Variants in EML4 observed in about 807,000 individuals in gnomAD.
The protein encoded by EML4 is echinoderm microtubule-associated protein-like 4.
A neutral mutation model predicts 129.0 loss-of-function variants in EML4; 72 were observed. The ratio of observed to expected loss-of-function variants is 0.56; its 90% CI spans 0.46 to 0.68. The LOEUF is 0.68. EML4 is among the 30% of genes least tolerant of loss of function. The pLI, the probability that EML4 is intolerant of heterozygous loss-of-function variation, is 0.00. For missense variants in EML4, 1,363 were observed against 1,190.6 expected (o/e 1.14, Z -2.13); for synonymous variants, 532 against 405.0 (o/e 1.31, Z -3.77).
rs148477218 is a variant in EML4, at chr2:42,286,350, G to C, written c.1093G>C (p.Gly365Arg). Reference protein sequence around the residue: ...QIIGLGTFERGVGCLDFSKAD... With the variant: ...QIIGLGTFERRVGCLDFSKAD... ...TATTGGACTTGGCACTTTTGAGCGT[G>C]GAGTAGGATGCCTGGATTTTTCAAA... The change falls in exon 10 of 23, where the codon GGA becomes CGA. Residue 365 changes from glycine to arginine, a missense_variant. Coordinates refer to ENST00000318522, the MANE Select transcript of EML4 (RefSeq NM_019063.5). The C allele has an allele frequency of 8.1e-6, 13 of 1,612,378 alleles. No individual in the cohort carries two copies. In the African/African-American group the frequency reaches 1.7e-4, roughly 22 times the overall value.
intron 14 of EML4, 144 bp from the exon 15 acceptor site, chr2:42,302,960 T>A: frequency 1.5e-6 from 1 of 648,170 alleles, no homozygotes; most frequent in Non-Finnish European, 2.7e-6. Context: ...GACAAATAAA[T>A]TAGTAGTAGT....
intron 1 of EML4, among the ~76,000 whole-genome samples, chr2:42,230,290 T>C (rs1674249235): frequency 6.6e-6 from 1 of 152,232 alleles, no homozygotes; most frequent in Non-Finnish European, 1.5e-5. Context: ...ACAATCTAGT[T>C]AGGAATTTTA....
At chr2:42,314,742 T>G (rs990317917) in intron 17 of EML4, among the ~76,000 whole-genome samples, 2 of 152,224 alleles carry the variant, frequency 1.3e-5, no homozygotes, top group African/African-American at 4.8e-5. Context: ...CAACCAGCTG[T>G]GCATGCTGCC....
chr2:42,239,081 G>A (rs139447205), intron 1 of EML4, among the ~76,000 whole-genome samples: 5 of 152,314 alleles, frequency 3.3e-5, no homozygotes, highest in African/African-American at 1.2e-4. Flanking sequence ...TTAATTAGAA[G>A]TATAATAGCC....
At position 42,251,976 on chromosome 2, in the gene EML4, C is replaced by G. The variant is rs571633673; in HGVS notation, c.209-4525C>G. 3.3e-4 allele frequency among the ~76,000 whole-genome samples: 50 copies of G among 152,228 alleles called. 1 individual carries two copies. The highest frequency in any genetic ancestry group is 1.1e-3 in the African/African-American group (47 of 41,544). On this transcript the variant is annotated intron_variant, in intron 2 of 22. Transcript: ENST00000318522. ...CTAGCTGAGAAACAATTTCAATTTA[C>G]AAATCAATAAATTGTTTGTAAATTG... is the stretch of plus-strand genomic sequence containing the variant.
In EML4 at chr2:42,331,895, G is replaced by A. The variant is rs759286775; in HGVS notation, c.*1688G>A. On this transcript the variant is annotated 3_prime_UTR_variant, in exon 23 of 23. Transcript: ENST00000318522. ...AAATACTCAGTGTAGATCTCTATGT[G>A]TATAGGTATCTGTATATCTTTCCTT... 6.0e-5 allele frequency: 8 copies of A among 134,308 alleles called. No homozygotes were observed. The highest frequency in any genetic ancestry group is 3.7e-4 in the Admixed American group (3 of 8,112). The allele number at this position is 134,308 out of a possible 1,614,324, so 8.3% of individuals were successfully genotyped here.
chr2:42,331,793 A>G lies in EML4; in HGVS notation c.*1586A>G, dbSNP rs1243929846. The G allele has an allele frequency of 4.5e-6, 1 of 222,042 alleles. No individual in the cohort carries two copies. Among genetic ancestry groups the G allele is most frequent in the Non-Finnish European group, 9.0e-6 (1 of 110,788 alleles). 13.8% of individuals were successfully genotyped at this position (222,042 alleles called of 1,614,324 possible). A position where few individuals can be genotyped will look rare whatever the true frequency, so the allele number is the denominator to read the frequency against. On this transcript the variant is annotated 3_prime_UTR_variant, in exon 23 of 23. Coordinates refer to ENST00000318522, the MANE Select transcript of EML4 (RefSeq NM_019063.5). ...ACATTTATATTCACACGCTGTATGG[A>G]AGGGTGTGGGTGTGTGTGAAGGGGC...
chr2:42,244,075 T>G (rs1334721855), intron 1 of EML4, among the ~76,000 whole-genome samples: 10 of 70,648 alleles, frequency 1.4e-4, no homozygotes, highest in African/African-American at 3.9e-4. Context: ...GTTTTTTTTG[T>G]TTTTTGTTTT....
chr2:42,246,620 A>G (rs551550616), intron 2 of EML4, among the ~76,000 whole-genome samples: 2 of 152,344 alleles, frequency 1.3e-5, no homozygotes, highest in South Asian at 2.1e-4. Context: ...GTAGAGATAC[A>G]TATTGGTAGC....
intron 2 of EML4, among the ~76,000 whole-genome samples, chr2:42,247,427 G>A (rs1318648831): frequency 6.6e-6 from 1 of 152,150 alleles, no homozygotes. Context: ...GTGGAGGAAA[G>A]GTGAGTATCA....
chr2:42,275,580 C>A (rs1371371002), intron 6 of EML4, among the ~76,000 whole-genome samples: 1 of 152,188 alleles, frequency 6.6e-6, no homozygotes, highest in Non-Finnish European at 1.5e-5. Context: ...CAATATCCTA[C>A]AGAATTTCTT....
Position 42,328,869 on chromosome 2 carries a change from G to A in EML4, c.2342-17G>A. ...CTTCAGCTAATTTTTCTGCATCCCT[G>A]TGTTTCCATATCAAAGGTGTCTGGC... On this transcript the variant is annotated splice_polypyrimidine_tract_variant and intron_variant, in intron 21 of 22. Coordinates refer to ENST00000318522, the MANE Select transcript of EML4 (RefSeq NM_019063.5). 1 of 1,576,650 alleles carries A rather than the reference G, an allele frequency of 6.3e-7. No homozygotes were observed. Among genetic ancestry groups the A allele is most frequent in the Non-Finnish European group, 8.6e-7 (1 of 1,159,170 alleles).
intron 6 of EML4, among the ~76,000 whole-genome samples, chr2:42,274,055 A>G (rs181570937): frequency 6.6e-6 from 1 of 152,346 alleles, no homozygotes; most frequent in Admixed American, 6.5e-5. Context: ...AAATTACAGT[A>G]AATATTTCTA....
chr2:42,255,709 A>G (rs1676097834), intron 2 of EML4, among the ~76,000 whole-genome samples: 1 of 152,150 alleles, frequency 6.6e-6, no homozygotes, highest in Non-Finnish European at 1.5e-5. Flanking sequence ...CCTGTCTTCT[A>G]ATTCATTCAA....
intron 1 of EML4, among the ~76,000 whole-genome samples, chr2:42,241,154 GA>G (rs376677720): frequency 3.1e-3 from 432 of 137,182 alleles, no homozygotes; most frequent in African/African-American, 0.01. Flanking sequence ...GAGTCTCAAA[GA>G]AAAAAAAAAA....
chr2:42,178,903 G>C (rs1670772988), intron 1 of EML4, among the ~76,000 whole-genome samples: 1 of 152,132 alleles, frequency 6.6e-6, no homozygotes, highest in African/African-American at 2.4e-5. Flanking sequence ...TGATTGTTTT[G>C]CATCCATTAT....
chr2:42,272,636 C>G (rs1186864211), intron 6 of EML4, among the ~76,000 whole-genome samples: 1 of 152,092 alleles, frequency 6.6e-6, no homozygotes, highest in Non-Finnish European at 1.5e-5. Context: ...AACTGGCAGA[C>G]TTGAAGACTG....
Position 42,222,691 on chromosome 2 carries a change from C to T in EML4, c.26-22814C>T, listed in dbSNP as rs527869592. Among the ~76,000 whole-genome samples, 249 of 152,266 alleles carry T rather than the reference C, an allele frequency of 1.6e-3. 1 individual carries two copies. The highest frequency in any genetic ancestry group is 5.8e-3 in the African/African-American group (241 of 41,550). Reference sequence around the variant, plus strand: ...CTGTACTGTGTAAACAGTGAATATGCATTATCTTTTGCTTACTGGAAACTA... The same window carrying T: ...CTGTACTGTGTAAACAGTGAATATGTATTATCTTTTGCTTACTGGAAACTA... On this transcript the variant is annotated intron_variant, in intron 1 of 22. Transcript: ENST00000318522.
At chr2:42,267,636 C>T (rs1276973577) in intron 6 of EML4, among the ~76,000 whole-genome samples, 1 of 152,066 alleles carries the variant, frequency 6.6e-6, no homozygotes, top group East Asian at 1.9e-4. Flanking sequence ...ATTCCAGTCA[C>T]CACTTAGGCA....
Sources: allele counts gnomAD v4.1 joint callset (sites outside exome capture counted in the v4.1 genomes callset), GRCh38; gene constraint gnomAD v4.1.1; transcripts MANE v1.5; gene names NCBI Gene and HGNC (gene_info 2026-07-23, HGNC 2026-07-21).